MARCHF1: variants seen among roughly 807,000 people sequenced by gnomAD.
The protein encoded by MARCHF1 is membrane associated ring-CH-type finger 1.
A neutral mutation model predicts 54.2 loss-of-function variants in MARCHF1; 40 were observed. The ratio of observed to expected loss-of-function variants is 0.74; its 90% CI spans 0.57 to 0.96. MARCHF1 has a LOEUF of 0.96. Among genes scored for constraint, MARCHF1 ranks in the 40% least tolerant of loss-of-function variants. The pLI, the probability that MARCHF1 is intolerant of heterozygous loss-of-function variation, is 0.00. For missense variants in MARCHF1, 586 were observed against 656.5 expected, an observed-to-expected ratio of 0.89 and a Z score of 1.17; for synonymous variants, 236 against 236.3, an observed-to-expected ratio of 1.00 and a Z score of 0.01.
In MARCHF1 at chr4:163,548,626, C is replaced by G. The variant is rs202215523; in HGVS notation, c.1192-2883G>C. Reference sequence around the variant, plus strand: ...TCCACTTTATAAATCCTTACAGGAACCATTTAGAAACTCACTAGACAGCAC... The same window carrying G: ...TCCACTTTATAAATCCTTACAGGAAGCATTTAGAAACTCACTAGACAGCAC... On this transcript the variant is annotated intron_variant, in intron 8 of 9. Coordinates refer to ENST00000514618, the MANE Select transcript of MARCHF1 (RefSeq NM_001394959.1). Among the ~76,000 whole-genome samples the G allele has an allele frequency of 5.3e-5, 8 of 152,282 alleles. No individual in the cohort carries two copies. In the East Asian group the frequency reaches 1.5e-3, roughly 29 times the overall value.
intron 2 of MARCHF1, among the ~76,000 whole-genome samples, chr4:163,997,342 C>T (rs1753096193): frequency 6.6e-6 from 1 of 151,984 alleles, no homozygotes; most frequent in South Asian, 2.1e-4. Context: ...TATTTTGAAA[C>T]ACTAGAACAT....
Position 163,546,722 on chromosome 4 carries a change from C to T in MARCHF1, c.1192-979G>A, listed in dbSNP as rs201884275. 1.2e-4 allele frequency among the ~76,000 whole-genome samples: 18 copies of T among 152,230 alleles called. No homozygotes were observed. In the East Asian group the frequency reaches 2.9e-3, roughly 24 times the overall value. ...TAAGGGTTGTAACTACTGTGACGAC[C>T]GCTGTCCTTTAATCACACTCCTGAG... is the stretch of plus-strand genomic sequence containing the variant. On this transcript the variant is annotated intron_variant, in intron 8 of 9. Coordinates refer to ENST00000514618, the MANE Select transcript of MARCHF1 (RefSeq NM_001394959.1).
chr4:164,135,464 T>C (rs1756380868), intron 1 of MARCHF1: 1 of 152,130 alleles, frequency 6.6e-6, no homozygotes, highest in South Asian at 2.1e-4. Flanking sequence ...ACAATCATGG[T>C]GGAAGGGGAA....
intron 1 of MARCHF1, among the ~76,000 whole-genome samples, chr4:164,144,092 A>G (rs1168518825): frequency 1.3e-5 from 2 of 152,154 alleles, no homozygotes; most frequent in African/African-American, 4.8e-5. Context: ...ACATAATGGT[A>G]AAGGGATCAA....
intron 1 of MARCHF1, among the ~76,000 whole-genome samples, chr4:164,338,701 G>A (rs867674869): frequency 2.6e-5 from 4 of 152,128 alleles, no homozygotes; most frequent in South Asian, 2.1e-4. Context: ...GGTTGGGTGC[G>A]GTGGCTCATG....
chr4:163,644,035 G>A (rs888873626), intron 5 of MARCHF1, among the ~76,000 whole-genome samples: 7 of 139,972 alleles, frequency 5.0e-5, no homozygotes, highest in African/African-American at 7.5e-5. Flanking sequence ...TAATGCCCAC[G>A]CCTCTTCAAA....
rs60452636 is a variant in MARCHF1, at chr4:163,979,019, C to CTTTT, written c.-39+9478_-39+9481dup. On this transcript the variant is annotated intron_variant, in intron 3 of 9. Coordinates refer to ENST00000514618, the MANE Select transcript of MARCHF1 (RefSeq NM_001394959.1). Reference sequence around the variant, plus strand: ...TGCTGGGATTTGGGGCCCTTTAATTCTTTTTTTTTTTTTTTTTATACTTTA... The same window carrying CTTTT: ...TGCTGGGATTTGGGGCCCTTTAATTCTTTTTTTTTTTTTTTTTTTTTATACTTTA... Among the ~76,000 whole-genome samples the CTTTT allele has an allele frequency of 1.6e-4, 21 of 129,096 alleles. 1 individual carries two copies. The Middle Eastern group carries it at 0.012, about 73-fold the overall frequency. 84.7% of individuals were successfully genotyped at this position (129,096 alleles called of 152,430 possible). A position where few individuals can be genotyped will look rare whatever the true frequency, so the allele number is the denominator to read the frequency against.
chr4:163,864,490 G>T (rs2111199459), intron 3 of MARCHF1, among the ~76,000 whole-genome samples: 1 of 152,052 alleles, frequency 6.6e-6, no homozygotes, highest in South Asian at 2.1e-4. Context: ...GCCTGCATGA[G>T]ATGCTGCTAA....
chr4:164,188,730 A>G, intron 1 of MARCHF1: 1 of 1,035,302 alleles, frequency 9.7e-7, no homozygotes, highest in Non-Finnish European at 1.5e-6. Flanking sequence ...TTGCGGTTCA[A>G]GGTAGTTGAA....
chr4:163,730,828 T>A (rs1428250862), intron 4 of MARCHF1, among the ~76,000 whole-genome samples: 2 of 152,138 alleles, frequency 1.3e-5, no homozygotes, highest in Non-Finnish European at 2.9e-5. Context: ...GTTCAGTGAG[T>A]TCTTAGCATC....
rs149173616 is a variant in MARCHF1 at position 164,232,804 on chromosome 4, A to G, written c.-322-121142T>C. Among the ~76,000 whole-genome samples the G allele has an allele frequency of 7.9e-5, 12 of 152,320 alleles. No homozygotes were observed. In the East Asian group the frequency reaches 1.2e-3, roughly 15 times the overall value. Reference sequence around the variant, plus strand: ...AGAAATTGTATATACACACAACTCTATATCTTCAATTTCAGTGTAAGATGC... The same window carrying G: ...AGAAATTGTATATACACACAACTCTGTATCTTCAATTTCAGTGTAAGATGC... On this transcript the variant is annotated intron_variant, in intron 1 of 9. Coordinates refer to ENST00000514618, the MANE Select transcript of MARCHF1 (RefSeq NM_001394959.1).
At chr4:163,884,382 A>G (rs1306728040) in intron 3 of MARCHF1, among the ~76,000 whole-genome samples, 1 of 152,178 alleles carries the variant, frequency 6.6e-6, no homozygotes, top group Admixed American at 6.5e-5. Flanking sequence ...AATGTATTAT[A>G]ATTTATGACT....
chr4:163,947,265 C>T (rs1475301566), intron 3 of MARCHF1, among the ~76,000 whole-genome samples: 1 of 151,842 alleles, frequency 6.6e-6, no homozygotes, highest in African/African-American at 2.4e-5. Context: ...TTTCCAGGTC[C>T]TTAGAGTAGG....
chr4:164,159,299 C>A (rs1730166360), intron 1 of MARCHF1, among the ~76,000 whole-genome samples: 1 of 151,956 alleles, frequency 6.6e-6, no homozygotes, highest in South Asian at 2.1e-4. Context: ...GCTTTTGCAC[C>A]AACCTAATAT....
chr4:164,291,344 A>G (rs4411942), intron 1 of MARCHF1, among the ~76,000 whole-genome samples: 43,696 of 151,860 alleles, frequency 0.29, 7,381 homozygotes, highest in East Asian at 0.56. Context: ...AGTGCTATGA[A>G]TTTAAATGCA....
At chr4:164,048,180 T>C (rs1379477812) in intron 2 of MARCHF1, among the ~76,000 whole-genome samples, 1 of 152,176 alleles carries the variant, frequency 6.6e-6, no homozygotes, top group African/African-American at 2.4e-5. Context: ...ACTTTTCAAT[T>C]CTGATTTTTT....
chr4:164,019,001 C>T (rs1432361200), intron 2 of MARCHF1, among the ~76,000 whole-genome samples: 1 of 152,162 alleles, frequency 6.6e-6, no homozygotes, highest in Non-Finnish European at 1.5e-5. Context: ...TCTCTTATTT[C>T]CTGCTGATCT....
At chr4:164,121,887 T>TAA (rs60180403) in intron 1 of MARCHF1, among the ~76,000 whole-genome samples, 13 of 151,352 alleles carry the variant, frequency 8.6e-5, no homozygotes, top group East Asian at 1.9e-4. Flanking sequence ...AAAGACATAT[T>TAA]AAAAAAAATG....
chr4:163,538,294 T>C (rs562842701), intron 9 of MARCHF1, among the ~76,000 whole-genome samples: 2 of 150,598 alleles, frequency 1.3e-5, no homozygotes, highest in African/African-American at 2.4e-5. Context: ...AAAACTTGAA[T>C]GAAAAGGCAA....
Sources: allele counts gnomAD v4.1 joint callset (sites outside exome capture counted in the v4.1 genomes callset), GRCh38; gene constraint gnomAD v4.1.1; transcripts MANE v1.5; gene names NCBI Gene and HGNC (gene_info 2026-07-23, HGNC 2026-07-21).